Variants in CYP2C19 observed in about 807,000 individuals in gnomAD.
CYP2C19 encodes the protein cytochrome P450 2C19.
In CYP2C19, 59 loss-of-function variants were observed where a neutral mutation model predicts 40.9. The ratio of observed to expected loss-of-function variants is 1.44; its 90% CI spans 1.17 to 1.79. The LOEUF (loss-of-function observed/expected upper bound fraction) is 1.79. Ranked by LOEUF, CYP2C19 falls within the 40% of genes most tolerant of loss-of-function variation. CYP2C19 has a pLI of 0.00. For synonymous variants in CYP2C19, 253 were observed against 208.7 expected (o/e 1.21, Z -1.83); for missense variants, 754 against 596.9 (o/e 1.26, Z -2.74).
chr10:94,797,101 C>G (rs186730467), intron 5 of CYP2C19, among the ~76,000 whole-genome samples: 27 of 152,158 alleles, frequency 1.8e-4, no homozygotes, highest in Admixed American at 8.5e-4. Flanking sequence ...CAGTTTTTGC[C>G]CATTCAGTAT....
chr10:94,821,869 G>A (rs1849127897), intron 6 of CYP2C19, among the ~76,000 whole-genome samples: 1 of 151,954 alleles, frequency 6.6e-6, no homozygotes, highest in Admixed American at 6.6e-5. Context: ...GAGTCTCGGG[G>A]TCCCAACTAT....
At chr10:94,763,887 G>A (rs1050980600) in intron 1 of CYP2C19, among the ~76,000 whole-genome samples, 3 of 152,118 alleles carry the variant, frequency 2.0e-5, no homozygotes, top group Non-Finnish European at 4.4e-5. Context: ...GCCAGAGTTT[G>A]TTCCTTCAGA....
At chr10:94,813,621 CT>C (rs1404129048) in intron 5 of CYP2C19, among the ~76,000 whole-genome samples, 7 of 151,908 alleles carry the variant, frequency 4.6e-5, no homozygotes, top group Non-Finnish European at 1.0e-4. Context: ...CAATGGCAGA[CT>C]CCCCTCAACA....
intron 7 of CYP2C19, 53 bp downstream of exon 7, chr10:94,843,077 C>T (rs865921317): frequency 1.3e-4 from 212 of 1,597,524 alleles, no homozygotes; most frequent in Non-Finnish European, 1.6e-4. Context: ...TCCTCAAATT[C>T]ACAGTATGAT....
chr10:94,815,872 C>T (rs917238458), intron 5 of CYP2C19, among the ~76,000 whole-genome samples: 1 of 152,134 alleles, frequency 6.6e-6, no homozygotes, highest in Admixed American at 6.5e-5. Context: ...AATATTGAGT[C>T]CATGTACCTT....
intron 5 of CYP2C19, among the ~76,000 whole-genome samples, chr10:94,804,219 C>T (rs1469265155): frequency 6.6e-6 from 1 of 152,148 alleles, no homozygotes; most frequent in Non-Finnish European, 1.5e-5. Flanking sequence ...TTCCAGGTCA[C>T]CAAGCTAGTC....
chr10:94,810,568 G>T (rs1011722296), intron 5 of CYP2C19, among the ~76,000 whole-genome samples: 8 of 152,050 alleles, frequency 5.3e-5, no homozygotes, highest in Admixed American at 2.0e-4. Flanking sequence ...TTCAGAACTT[G>T]TTATTGGTCT....
chr10:94,808,719 A>G (rs574520244), intron 5 of CYP2C19, among the ~76,000 whole-genome samples: 2 of 152,218 alleles, frequency 1.3e-5, no homozygotes, highest in East Asian at 3.9e-4. Flanking sequence ...ATTTCACTTA[A>G]CATAATAATC....
chr10:94,821,625 C>G (rs1448413631), intron 6 of CYP2C19, among the ~76,000 whole-genome samples: 1 of 152,000 alleles, frequency 6.6e-6, no homozygotes, highest in East Asian at 1.9e-4. Context: ...CTTTTATGAA[C>G]AACTTTACTT....
Position 94,820,570 on chromosome 10 carries a change from G to A in CYP2C19, c.894G>A (p.Gly298=), listed in dbSNP as rs200717347. 18 of 1,614,142 alleles carry A rather than the reference G, an allele frequency of 1.1e-5. No homozygotes were observed. The highest frequency in any genetic ancestry group is 1.7e-5 in the Admixed American group (1 of 60,008). ...VITAADLLGA[G]TETTSTTLRY... ...CTGCAGCTGACTTACTTGGAGCTGG[G>A]ACAGAGACAACAAGCACAACCCTGA... The change falls in exon 6 of 9, where the codon GGG becomes GGA. Residue 298 remains glycine, a synonymous_variant. Coordinates refer to ENST00000371321, the MANE Select transcript of CYP2C19 (RefSeq NM_000769.4).
chr10:94,810,736 C>A (rs56061138), intron 5 of CYP2C19, among the ~76,000 whole-genome samples: 3,122 of 152,014 alleles, frequency 0.021, 112 homozygotes, highest in African/African-American at 0.063. Flanking sequence ...GGTGATATCC[C>A]CTTTATCATT....
intron 6 of CYP2C19, among the ~76,000 whole-genome samples, chr10:94,826,764 T>G (rs987669683): frequency 6.6e-6 from 1 of 152,240 alleles, no homozygotes; most frequent in Admixed American, 6.5e-5. Context: ...CTTCCAGTTT[T>G]TGCCCATTCA....
At chr10:94,838,756 C>T (rs968854195) in intron 6 of CYP2C19, among the ~76,000 whole-genome samples, 3 of 151,918 alleles carry the variant, frequency 2.0e-5, no homozygotes, top group Non-Finnish European at 2.9e-5. Flanking sequence ...TACATAATTG[C>T]GAGTTGTCTC....
At chr10:94,780,723 A>G (rs1361129391) in intron 4 of CYP2C19, 64 bp downstream of exon 4, 1 of 1,570,268 alleles carries the variant, frequency 6.4e-7, no homozygotes, top group Non-Finnish European at 8.7e-7. Flanking sequence ...GAAATCCAAA[A>G]TTCTATATTG....
intron 6 of CYP2C19, among the ~76,000 whole-genome samples, chr10:94,840,213 A>G (rs1457399023): frequency 6.6e-6 from 1 of 151,826 alleles, no homozygotes; most frequent in Non-Finnish European, 1.5e-5. Context: ...CTGGCTTTTA[A>G]AGGAATGGGG....
chr10:94,768,793 T>G (rs571271844), intron 1 of CYP2C19, among the ~76,000 whole-genome samples: 1 of 152,238 alleles, frequency 6.6e-6, no homozygotes, highest in Non-Finnish European at 1.5e-5. Flanking sequence ...CCAAGAGGTA[T>G]CCCTGCTCTC....
intron 6 of CYP2C19, among the ~76,000 whole-genome samples, chr10:94,835,362 G>A (rs887992763): frequency 5.9e-5 from 9 of 152,182 alleles, no homozygotes; most frequent in African/African-American, 1.9e-4. Flanking sequence ...GTTAGCTGCA[G>A]GCAAATGTAA....
At chr10:94,818,876 CT>C (rs1350305472) in intron 5 of CYP2C19, among the ~76,000 whole-genome samples, 1 of 152,082 alleles carries the variant, frequency 6.6e-6, no homozygotes, top group Non-Finnish European at 1.5e-5. Flanking sequence ...ATTGAATCCC[CT>C]TTATTTCCTT....
intron 6 of CYP2C19, among the ~76,000 whole-genome samples, chr10:94,826,501 T>G (rs530223620): frequency 3.3e-5 from 5 of 152,236 alleles, no homozygotes; most frequent in Non-Finnish European, 5.9e-5. Context: ...TTTTTGTACA[T>G]TGATTTTGTA....
Sources: gnomAD v4.1 joint callset for allele counts (sites outside exome capture counted in the v4.1 genomes callset) on GRCh38, gnomAD v4.1.1 for gene constraint, MANE v1.5 for transcripts, NCBI Gene and HGNC (gene_info 2026-07-23, HGNC 2026-07-21) for gene names.